SAMD4A: variants seen among roughly 807,000 people sequenced by gnomAD.
SAMD4A encodes sterile alpha motif domain containing 4A.
SAMD4A carries 33 observed loss-of-function variants against 81.3 expected under a neutral mutation model. The observed-to-expected ratio is 0.41, with a 90% CI of 0.31 to 0.54. The LOEUF (loss-of-function observed/expected upper bound fraction) is 0.54, where lower values mean the gene tolerates loss of function less well. Ranked by LOEUF, SAMD4A falls within the 20% of genes least tolerant of loss-of-function variation. The probability of loss-of-function intolerance (pLI) is 0.37; values close to 1 mark genes in which losing one functional copy is unlikely to be tolerated. For missense variants in SAMD4A, 854 were observed against 951.1 expected (o/e 0.90, Z 1.34); for synonymous variants, 389 against 382.1 (o/e 1.02, Z -0.21).
chr14:54,692,152 C>T (rs2036458216), intron 2 of SAMD4A, among the ~76,000 whole-genome samples: 1 of 152,154 alleles, frequency 6.6e-6, no homozygotes, highest in Admixed American at 6.5e-5. Flanking sequence ...GCAACTTCCT[C>T]GTTATTTTAG....
chr14:54,574,594 C>G (rs915124784), intron 2 of SAMD4A, among the ~76,000 whole-genome samples: 1 of 152,140 alleles, frequency 6.6e-6, no homozygotes, highest in Admixed American at 6.5e-5. Context: ...TCCCAACACT[C>G]TATGATTTCC....
chr14:54,773,800 G>T (rs915828754), intron 9 of SAMD4A, among the ~76,000 whole-genome samples: 2 of 152,220 alleles, frequency 1.3e-5, no homozygotes, highest in African/African-American at 4.8e-5. Flanking sequence ...CCCATTTGAG[G>T]ATGCGTCATG....
intron 2 of SAMD4A, among the ~76,000 whole-genome samples, chr14:54,618,298 TAGG>T: frequency 1.3e-5 from 2 of 152,338 alleles, no homozygotes; most frequent in South Asian, 4.1e-4. Context: ...TCAGCCATGT[TAGG>T]AGTATTTACA....
intron 11 of SAMD4A, among the ~76,000 whole-genome samples, chr14:54,784,069 G>A (rs150544576): frequency 2.6e-4 from 40 of 152,326 alleles, no homozygotes; most frequent in African/African-American, 9.6e-4. Context: ...AGATGATAGA[G>A]CCAGAAATGT....
At position 54,760,338 on chromosome 14, in the gene SAMD4A, G is replaced by A; in HGVS notation, c.1354G>A (p.Asp452Asn). ...GPESQSPDCK[D>N]GAAATGATAT... ...CGAGAGCCAGAGCCCCGACTGCAAA[G>A]ATGGGGCCGCAGCCACTGGCGCCAC... Residue 452 changes from aspartate (D) to asparagine (N), a missense_variant, in exon 7 of 13, where the codon GAT (aspartate) becomes AAT (asparagine). Physicochemically the swap from Asp to Asn is conservative, Grantham distance 23. This residue lies in a region of SAMD4A where 428 missense variants were observed against 471.2 expected (regional missense o/e 0.91). Transcript: ENST00000554335. 6.3e-7 allele frequency: 1 copy of A among 1,600,000 alleles called. No homozygotes were observed. The highest frequency in any genetic ancestry group is 8.5e-7 in the Non-Finnish European group (1 of 1,176,678).
intron 2 of SAMD4A, among the ~76,000 whole-genome samples, chr14:54,645,838 A>G (rs997960477): frequency 1.3e-5 from 2 of 152,252 alleles, no homozygotes; most frequent in African/African-American, 2.4e-5. Context: ...CTTGAAAAAC[A>G]TCTGAAGAGG....
At chr14:54,643,218 A>T (rs1436349338) in intron 2 of SAMD4A, among the ~76,000 whole-genome samples, 1 of 152,116 alleles carries the variant, frequency 6.6e-6, no homozygotes, top group Non-Finnish European at 1.5e-5. Context: ...TTGAAAAAGA[A>T]CTCTAAGGGG....
At chr14:54,772,696 G>A (rs2038736664) in intron 9 of SAMD4A, among the ~76,000 whole-genome samples, 1 of 152,090 alleles carries the variant, frequency 6.6e-6, no homozygotes, top group African/African-American at 2.4e-5. Flanking sequence ...CAACCAAAAA[G>A]GAAAGTGAGA....
intron 12 of SAMD4A, among the ~76,000 whole-genome samples, chr14:54,786,182 C>G (rs1272777850): frequency 6.6e-6 from 1 of 152,204 alleles, no homozygotes; most frequent in African/African-American, 2.4e-5. Context: ...GAAGTACCAA[C>G]CTATGCGATG....
At chr14:54,657,721 G>A (rs1410987732) in intron 2 of SAMD4A, among the ~76,000 whole-genome samples, 2 of 152,316 alleles carry the variant, frequency 1.3e-5, no homozygotes, top group East Asian at 3.9e-4. Context: ...TGTGTAAGTG[G>A]AAATTAAGAT....
intron 2 of SAMD4A, among the ~76,000 whole-genome samples, chr14:54,569,329 G>A (rs1490731194): frequency 6.6e-6 from 1 of 152,260 alleles, no homozygotes; most frequent in African/African-American, 2.4e-5. Context: ...TGTGCACGAT[G>A]GTGAAAACAC....
At chr14:54,629,103 A>G (rs555760930) in intron 2 of SAMD4A, among the ~76,000 whole-genome samples, 54 of 152,174 alleles carry the variant, frequency 3.5e-4, no homozygotes, top group Non-Finnish European at 7.4e-4. Flanking sequence ...GGGTATCCCT[A>G]TAAGAAGCCG....
upstream of SAMD4A, among the ~76,000 whole-genome samples, chr14:54,566,692 G>A (rs1048512447): frequency 6.6e-6 from 1 of 151,650 alleles, no homozygotes; most frequent in Non-Finnish European, 1.5e-5. Context: ...CGCGGGCGAG[G>A]CTCCGGGCCG....
In SAMD4A at chr14:54,706,471, G is replaced by T. The variant is rs569430744; in HGVS notation, c.715+3891G>T. ...CATACAAAAACTAGCTGGGCATGGT[G>T]GTGCATGCCTGTAATCCCAGCTACG... is the stretch of plus-strand genomic sequence containing the variant. On this transcript the variant is annotated intron_variant, in intron 3 of 12. Transcript: ENST00000554335. Among the ~76,000 whole-genome samples the T allele has an allele frequency of 3.3e-5, 5 of 151,744 alleles. No homozygotes were observed. In the South Asian group the frequency reaches 1.0e-3, roughly 32 times the overall value.
chr14:54,723,522 C>G (rs747038522), intron 3 of SAMD4A, among the ~76,000 whole-genome samples: 16 of 152,180 alleles, frequency 1.1e-4, no homozygotes, highest in Non-Finnish European at 1.9e-4. Context: ...TGCATTACCA[C>G]CTCCTCAAAA....
chr14:54,671,848 C>T (rs1002424766), intron 2 of SAMD4A, among the ~76,000 whole-genome samples: 5 of 151,782 alleles, frequency 3.3e-5, no homozygotes, highest in Non-Finnish European at 7.4e-5. Flanking sequence ...GGAAGAGGTG[C>T]GACAGGGCCC....
intron 4 of SAMD4A, 49 bp downstream of exon 4, chr14:54,737,336 T>G: frequency 6.2e-7 from 1 of 1,602,738 alleles, no homozygotes. Context: ...CTCCCTTTAT[T>G]GGAGACCAGA....
chr14:54,758,623 A>G (rs2038308622), intron 6 of SAMD4A, among the ~76,000 whole-genome samples: 1 of 152,234 alleles, frequency 6.6e-6, no homozygotes, highest in African/African-American at 2.4e-5. Context: ...TGGGGTCAGA[A>G]GTTCAAGACC....
At chr14:54,667,906 G>A (rs1014215353) in intron 2 of SAMD4A, among the ~76,000 whole-genome samples, 1 of 152,182 alleles carries the variant, frequency 6.6e-6, no homozygotes, top group Non-Finnish European at 1.5e-5. Flanking sequence ...GCTGTTCAGT[G>A]GTGGGCCTGC....
Sources: allele counts gnomAD v4.1 joint callset (sites outside exome capture counted in the v4.1 genomes callset), GRCh38; gene constraint gnomAD v4.1.1; regional missense constraint gnomAD v4.1.1; transcripts MANE v1.5; gene names NCBI Gene and HGNC (gene_info 2026-07-23, HGNC 2026-07-21).